PCSK5: variants seen among roughly 807,000 people sequenced by gnomAD.
The protein encoded by PCSK5 is proprotein convertase subtilisin/kexin type 5, also known as prohormone convertase 5.
A neutral mutation model predicts 233.2 loss-of-function variants in PCSK5; 129 were observed. The observed-to-expected ratio is 0.55, with a 90% CI of 0.48 to 0.64. The LOEUF is 0.64. Among genes scored for constraint, PCSK5 ranks in the 30% least tolerant of loss-of-function variants. The pLI, the probability that PCSK5 is intolerant of heterozygous loss-of-function variation, is 0.00. For synonymous variants in PCSK5, 825 were observed against 879.2 expected, an observed-to-expected ratio of 0.94 and a Z score of 1.09; for missense variants, 2,076 against 2,430.1, an observed-to-expected ratio of 0.85 and a Z score of 3.06.
intron 24 of PCSK5, among the ~76,000 whole-genome samples, chr9:76,245,589 A>G (rs1318372017): frequency 6.6e-6 from 1 of 152,210 alleles, no homozygotes; most frequent in Non-Finnish European, 1.5e-5. Context: ...GGCTTCTGCT[A>G]TGGATTTTGA....
chr9:76,135,744 TAACC>T, intron 10 of PCSK5, among the ~76,000 whole-genome samples: 1 of 152,218 alleles, frequency 6.6e-6, no homozygotes, highest in Admixed American at 6.5e-5. Flanking sequence ...AGCTGACACA[TAACC>T]TTAGCTAGTT....
intron 1 of PCSK5, among the ~76,000 whole-genome samples, chr9:75,896,028 G>A (rs2131185061): frequency 6.6e-6 from 1 of 152,300 alleles, no homozygotes; most frequent in Middle Eastern, 3.4e-3. Context: ...TTTATAAACA[G>A]GAGAGTTAGT....
chr9:76,225,008 C>T (rs1334883782), intron 20 of PCSK5, among the ~76,000 whole-genome samples: 1 of 152,182 alleles, frequency 6.6e-6, no homozygotes, highest in Admixed American at 6.5e-5. Flanking sequence ...TTGGATCTGA[C>T]ACATCATGGA....
chr9:76,332,690 A>G, intron 34 of PCSK5, 80 bp downstream of exon 34: 1 of 1,070,496 alleles, frequency 9.3e-7, no homozygotes, highest in Non-Finnish European at 1.4e-6. Context: ...GAGGAAACTA[A>G]GATTCAGAAC....
chr9:76,210,365 T>C (rs949846807), intron 20 of PCSK5, among the ~76,000 whole-genome samples: 1 of 152,186 alleles, frequency 6.6e-6, no homozygotes, highest in Admixed American at 6.5e-5. Flanking sequence ...TGTCATTGGT[T>C]GAGGACAACT....
chr9:76,050,038 G>GT (rs1293843875), intron 5 of PCSK5, among the ~76,000 whole-genome samples: 1 of 152,094 alleles, frequency 6.6e-6, no homozygotes, highest in African/African-American at 2.4e-5. Context: ...AAACTATGTT[G>GT]TATCATGTCT....
chr9:75,937,368 A>G (rs1408271694), intron 2 of PCSK5, among the ~76,000 whole-genome samples: 2 of 151,938 alleles, frequency 1.3e-5, no homozygotes, highest in African/African-American at 2.4e-5. Context: ...TAGTAGAGAC[A>G]GGGTTTCACC....
chr9:76,233,626 C>G (rs903545), intron 22 of PCSK5, 30 bp downstream of exon 22: 1,541,332 of 1,599,562 alleles, frequency 0.96, 742,851 homozygotes, highest in East Asian at 1. Flanking sequence ...CCGTCTTCTG[C>G]ACCCCAAACC....
chr9:76,049,071 G>A (rs771883368), intron 5 of PCSK5, among the ~76,000 whole-genome samples: 23 of 151,476 alleles, frequency 1.5e-4, no homozygotes, highest in Non-Finnish European at 2.8e-4. Flanking sequence ...CCCTCTACCT[G>A]AGAGCAGTTT....
chr9:76,258,764 A>T (rs530789777), intron 24 of PCSK5, among the ~76,000 whole-genome samples: 2 of 152,258 alleles, frequency 1.3e-5, no homozygotes, highest in African/African-American at 4.8e-5. Context: ...ACAAATGGGA[A>T]GTTTGACCTA....
At chr9:75,963,396 A>G (rs1825438585) in intron 2 of PCSK5, among the ~76,000 whole-genome samples, 1 of 152,244 alleles carries the variant, frequency 6.6e-6, no homozygotes, top group African/African-American at 2.4e-5. Context: ...AGCAACTTGG[A>G]AGAATAAGAA....
intron 25 of PCSK5, among the ~76,000 whole-genome samples, chr9:76,294,528 C>A (rs1356163990): frequency 6.6e-6 from 1 of 152,168 alleles, no homozygotes; most frequent in Non-Finnish European, 1.5e-5. Context: ...ACACAAGCAA[C>A]CTTTTCACAC....
chr9:76,125,098 T>TA (rs1021319049), intron 9 of PCSK5, among the ~76,000 whole-genome samples: 8 of 151,998 alleles, frequency 5.3e-5, no homozygotes, highest in Non-Finnish European at 1.2e-4. Context: ...TTCCTTTGTT[T>TA]AAAAAAATTA....
chr9:76,255,012 C>T (rs957814785), intron 24 of PCSK5, among the ~76,000 whole-genome samples: 1 of 152,184 alleles, frequency 6.6e-6, no homozygotes, highest in African/African-American at 2.4e-5. Context: ...CCTGGCCAGG[C>T]ATGGTGGCTC....
Position 76,154,587 on chromosome 9 carries a change from G to A in PCSK5, c.1313-2458G>A, listed in dbSNP as rs75139661. 4.0e-4 allele frequency among the ~76,000 whole-genome samples: 61 copies of A among 152,224 alleles called. No individual in the cohort carries two copies. The East Asian group carries it at 5.0e-3, about 13-fold the overall frequency. The stretch of plus-strand genomic sequence containing the variant: ...TCTCCACGCCCCCAACATGCCAATC[G>A]AATCTTTCATCTTATTTCCCTAAAC... On this transcript the variant is annotated intron_variant, in intron 10 of 37. Coordinates refer to ENST00000674117, the MANE Select transcript of PCSK5 (RefSeq NM_001372043.1).
chr9:76,043,755 A>G (rs1194392097), intron 5 of PCSK5, among the ~76,000 whole-genome samples: 1 of 152,184 alleles, frequency 6.6e-6, no homozygotes, highest in African/African-American at 2.4e-5. Context: ...TATTTTTGGT[A>G]GAGACAGTGC....
At chr9:76,008,305 T>C (rs1172223746) in intron 3 of PCSK5, among the ~76,000 whole-genome samples, 1 of 152,152 alleles carries the variant, frequency 6.6e-6, no homozygotes, top group Admixed American at 6.5e-5. Context: ...TGTTTAAAAA[T>C]TTCATAGTTT....
intron 1 of PCSK5, among the ~76,000 whole-genome samples, chr9:75,926,848 T>C (rs1023849513): frequency 3.3e-5 from 5 of 152,248 alleles, no homozygotes; most frequent in Non-Finnish European, 5.9e-5. Flanking sequence ...AAATAAGATA[T>C]GGTACATGTA....
At chr9:76,046,553 C>CTTT (rs1450481506) in intron 5 of PCSK5, among the ~76,000 whole-genome samples, 2 of 117,872 alleles carry the variant, frequency 1.7e-5, no homozygotes, top group Admixed American at 1.7e-4. Flanking sequence ...TTTTTTCTTT[C>CTTT]TTTTTCTTTT....
Sources: allele counts gnomAD v4.1 joint callset (sites outside exome capture counted in the v4.1 genomes callset), GRCh38; gene constraint gnomAD v4.1.1; transcripts MANE v1.5; gene names NCBI Gene and HGNC (gene_info 2026-07-23, HGNC 2026-07-21).